Variants in CPXM2 observed in about 807,000 individuals in gnomAD.
CPXM2 encodes inactive carboxypeptidase-like protein X2.
CPXM2 carries 66 observed loss-of-function variants against 86.1 expected under a neutral mutation model. That is an observed-to-expected ratio of 0.77 (90% CI 0.63 to 0.94). The LOEUF is 0.94. CPXM2 is among the 40% of genes least tolerant of loss of function. CPXM2 has a pLI of 0.00. For synonymous variants in CPXM2, 388 were observed against 400.2 expected (o/e 0.97, Z 0.36); for missense variants, 948 against 1,026.3 (o/e 0.92, Z 1.04).
intron 2 of CPXM2, among the ~76,000 whole-genome samples, chr10:123,933,622 G>A (rs1945687373): frequency 6.6e-6 from 1 of 152,096 alleles, no homozygotes; most frequent in African/African-American, 2.4e-5. Context: ...GGAGGCTGAG[G>A]CAGGAGATTC....
intron 2 of CPXM2, among the ~76,000 whole-genome samples, chr10:123,932,579 C>G (rs1945674953): frequency 6.6e-6 from 1 of 152,246 alleles, no homozygotes; most frequent in African/African-American, 2.4e-5. Flanking sequence ...CGGACAGGCT[C>G]TCCCTGTCCC....
At chr10:123,816,363 C>T (rs372211604) in intron 4 of CPXM2, among the ~76,000 whole-genome samples, 1 of 152,068 alleles carries the variant, frequency 6.6e-6, no homozygotes, top group African/African-American at 2.4e-5. Context: ...GTGAGAAAGG[C>T]CAAATGGAAG....
At chr10:123,802,118 A>G (rs1249369939) in intron 4 of CPXM2, among the ~76,000 whole-genome samples, 4 of 152,148 alleles carry the variant, frequency 2.6e-5, no homozygotes, top group African/African-American at 9.7e-5. Flanking sequence ...GGGACAGGGG[A>G]GCAGAGGCCA....
intron 1 of CPXM2, among the ~76,000 whole-genome samples, chr10:123,881,275 G>GCC (rs2134234288): frequency 1.3e-5 from 1 of 76,694 alleles, no homozygotes; most frequent in South Asian, 3.9e-4. Context: ...TTACGCTCAA[G>GCC]CTAATTAGCT....
intron 2 of CPXM2, among the ~76,000 whole-genome samples, chr10:123,867,758 C>T (rs566197927): frequency 3.8e-4 from 58 of 152,300 alleles, no homozygotes; most frequent in African/African-American, 1.3e-3. Context: ...GTCTCAAACT[C>T]CTGACCTCAG....
At chr10:123,785,657 G>A (rs115817693) in intron 6 of CPXM2, among the ~76,000 whole-genome samples, 1,846 of 144,350 alleles carry the variant, frequency 0.013, 35 homozygotes, top group African/African-American at 0.046. Context: ...TTTTTGAGAC[G>A]CAGTCTTGCT....
chr10:123,877,508 C>G (rs1945006763), intron 2 of CPXM2, among the ~76,000 whole-genome samples: 1 of 152,130 alleles, frequency 6.6e-6, no homozygotes, highest in African/African-American at 2.4e-5. Context: ...GACCAGTGGT[C>G]TAGGTATGCA....
At chr10:123,813,005 A>G (rs1170142520) in intron 4 of CPXM2, among the ~76,000 whole-genome samples, 1 of 152,190 alleles carries the variant, frequency 6.6e-6, no homozygotes, top group Non-Finnish European at 1.5e-5. Flanking sequence ...GTATCCATCA[A>G]ATATTACATA....
chr10:123,791,048 T>C (rs1013267190), intron 6 of CPXM2, among the ~76,000 whole-genome samples: 7 of 151,944 alleles, frequency 4.6e-5, no homozygotes, highest in Non-Finnish European at 7.4e-5. Context: ...CAGTCACGAG[T>C]GTGTGCCATC....
intron 3 of CPXM2, among the ~76,000 whole-genome samples, chr10:123,853,573 T>G (rs549132256): frequency 4.8e-4 from 73 of 152,302 alleles, no homozygotes; most frequent in African/African-American, 1.7e-3. Flanking sequence ...AGGTGTGTTG[T>G]GTTTTTGTGT....
At chr10:123,892,428 A>T (rs1945291531), upstream of CPXM2, among the ~76,000 whole-genome samples, 1 of 152,152 alleles carries the variant, frequency 6.6e-6, no homozygotes, top group Non-Finnish European at 1.5e-5. Flanking sequence ...TTTGTGGTTC[A>T]TCCAAGAGCA....
chr10:123,927,224 C>T (rs1178702581), intron 2 of CPXM2, among the ~76,000 whole-genome samples: 1 of 152,204 alleles, frequency 6.6e-6, no homozygotes, highest in Non-Finnish European at 1.5e-5. Flanking sequence ...TCCTCTTTCT[C>T]TACCTCCCTT....
chr10:123,858,160 C>T (rs1252540060), intron 3 of CPXM2, among the ~76,000 whole-genome samples: 2 of 152,240 alleles, frequency 1.3e-5, no homozygotes, highest in African/African-American at 4.8e-5. Flanking sequence ...GCCAACCACA[C>T]AGGGCAAATA....
In CPXM2 at chr10:123,865,712, G is replaced by A. The variant is rs935243051; in HGVS notation, c.404-2989C>T. Among the ~76,000 whole-genome samples the A allele has an allele frequency of 3.3e-5, 5 of 152,148 alleles. No homozygotes were observed. Reference sequence around the variant, plus strand: ...TCACAACCGACATGGGGCACGGGACGGGCACCTGCAGCTACTGCCCAGAGC... The same window carrying A: ...TCACAACCGACATGGGGCACGGGACAGGCACCTGCAGCTACTGCCCAGAGC... On this transcript the variant is annotated intron_variant, in intron 2 of 13. Coordinates refer to ENST00000241305, the MANE Select transcript of CPXM2 (RefSeq NM_198148.3). The surrounding 1 kb of genome is among the most constrained non-coding windows in gnomAD (Gnocchi z 4.7).
rs117601278 is a variant in CPXM2, at chr10:123,806,133, G to A, written c.654-6934C>T. Among the ~76,000 whole-genome samples the A allele has an allele frequency of 6.1e-3, 927 of 152,170 alleles. 5 individuals carry two copies. The highest frequency in any genetic ancestry group is 0.011 in the Admixed American group (175 of 15,276). On this transcript the variant is annotated intron_variant, in intron 4 of 13. Coordinates refer to ENST00000241305, the MANE Select transcript of CPXM2 (RefSeq NM_198148.3). ...AGATCATTTTCTTTCTGCTTGAAGA[G>A]CGCCTTTGCTATTTCTTTTAAACCA...
chr10:123,925,366 TATTA>T (rs147662158), intron 2 of CPXM2, among the ~76,000 whole-genome samples: 7,202 of 152,280 alleles, frequency 0.047, 257 homozygotes, highest in African/African-American at 0.1. Flanking sequence ...CTCACACACT[TATTA>T]ATTTTGTTTT....
At chr10:123,903,337 G>A (rs1945401927) in intron 2 of CPXM2, among the ~76,000 whole-genome samples, 1 of 152,254 alleles carries the variant, frequency 6.6e-6, no homozygotes, top group South Asian at 2.1e-4. Context: ...ATGGCTGGAT[G>A]CAAAGACCTT....
chr10:123,757,215 G>C lies in CPXM2; in HGVS notation c.1915C>G (p.Gln639Glu). 6 of 1,613,730 alleles carry C rather than the reference G, an allele frequency of 3.7e-6. No homozygotes were observed. The highest frequency in any genetic ancestry group is 5.1e-6 in the Non-Finnish European group (6 of 1,179,798). Residue 639 changes from glutamine to glutamate, a missense_variant and splice_region_variant, in exon 12 of 14, where the codon CAG becomes GAG. Gln to Glu is a conservative substitution (Grantham distance 29, BLOSUM62 2). Transcript: ENST00000241305. ...NRESLIVFME[Q>E]VHRGIKGLVR... Reference sequence around the variant, plus strand: ...CCAGCCACACACCCGCAATATACCTGCTCCATGAACACGATCAGAGATTCC... The same window carrying C: ...CCAGCCACACACCCGCAATATACCTCCTCCATGAACACGATCAGAGATTCC...
intron 3 of CPXM2, among the ~76,000 whole-genome samples, chr10:123,853,038 A>G (rs1271285598): frequency 6.6e-6 from 1 of 152,014 alleles, no homozygotes; most frequent in Admixed American, 6.6e-5. Context: ...GCCTGGTGGG[A>G]GGTGATTAGA....
Sources: gnomAD v4.1 joint callset for allele counts (sites outside exome capture counted in the v4.1 genomes callset) on GRCh38, gnomAD v4.1.1 for gene constraint, Gnocchi (gnomAD v3.1) non-coding constraint, MANE v1.5 for transcripts, NCBI Gene and HGNC (gene_info 2026-07-23, HGNC 2026-07-21) for gene names.